Variants in CFAP74 observed in about 807,000 individuals in gnomAD.
The protein encoded by CFAP74 is cilia and flagella associated protein 74.
CFAP74 carries 124 observed loss-of-function variants against 188.9 expected under a neutral mutation model. The observed-to-expected ratio is 0.66, with a 90% CI of 0.57 to 0.76. The LOEUF is 0.76. CFAP74 is among the 30% of genes least tolerant of loss of function. CFAP74 has a pLI of 0.00. For missense variants in CFAP74, 2,198 were observed against 2,165.2 expected (o/e 1.02, Z -0.30); for synonymous variants, 956 against 916.7 (o/e 1.04, Z -0.77).
At position 1,930,153 on chromosome 1, in the gene CFAP74, G is replaced by T; in HGVS notation, c.3195C>A (p.Ala1065=). The T allele has an allele frequency of 2.6e-6, 4 of 1,535,662 alleles. No individual in the cohort carries two copies. Among genetic ancestry groups the T allele is most frequent in the Non-Finnish European group, 3.5e-6 (4 of 1,146,724 alleles). Residue 1065 remains alanine, a synonymous_variant, in exon 26 of 39, where the codon GCC becomes GCA. Coordinates refer to ENST00000682832, the MANE Select transcript of CFAP74 (RefSeq NM_001304360.2). ...HSKPRIGSED[A]SPMGPTSFEF... ...CGAAAGACGTGGGCCCCATGGGAGA[G>T]GCGTCCTCTGAGCCAATGCGGGGCT... is the stretch of plus-strand genomic sequence containing the variant.
intron 1 of CFAP74, among the ~76,000 whole-genome samples, chr1:2,002,277 T>C (rs1448070624): frequency 1.3e-5 from 2 of 152,084 alleles, no homozygotes; most frequent in African/African-American, 2.4e-5. Flanking sequence ...AAAGAATGTA[T>C]GTGGTATTAC....
chr1:1,955,316 C>G, intron 18 of CFAP74: 1 of 1,193,720 alleles, frequency 8.4e-7, no homozygotes, highest in Non-Finnish European at 1.1e-6. Context: ...CACCTCTCCC[C>G]GCTGGTGCGC....
At chr1:1,939,840 G>A (rs1048138198) in intron 23 of CFAP74, 73 bp from the exon 24 acceptor site, 15 of 1,380,226 alleles carry the variant, frequency 1.1e-5, no homozygotes, top group Middle Eastern at 1.8e-4. Flanking sequence ...ACTCTGAGGC[G>A]CAACCACTGC....
intron 25 of CFAP74, 68 bp from the exon 26 acceptor site, chr1:1,930,404 G>T: frequency 7.0e-7 from 1 of 1,436,884 alleles, no homozygotes; most frequent in Non-Finnish European, 9.2e-7. Flanking sequence ...GCAGGCGCGG[G>T]GGCCACTGGG....
At chr1:1,958,123 G>A (rs1236084519) in intron 16 of CFAP74, among the ~76,000 whole-genome samples, 2 of 152,230 alleles carry the variant, frequency 1.3e-5, no homozygotes, top group East Asian at 3.8e-4. Flanking sequence ...CGCGGTGAAG[G>A]AGGAAGCACG....
At chr1:1,960,465 C>T (rs1342251761) in intron 14 of CFAP74, among the ~76,000 whole-genome samples, 1 of 152,230 alleles carries the variant, frequency 6.6e-6, no homozygotes, top group African/African-American at 2.4e-5. Flanking sequence ...CCTGAGACAG[C>T]TGGGACCCTC....
At chr1:1,940,008 C>A (rs1483463946) in intron 23 of CFAP74, among the ~76,000 whole-genome samples, 1 of 152,216 alleles carries the variant, frequency 6.6e-6, no homozygotes, top group Non-Finnish European at 1.5e-5. Context: ...GCATGTGTCT[C>A]TGTGTGCGGC....
intron 25 of CFAP74, among the ~76,000 whole-genome samples, chr1:1,934,183 T>G (rs1046129787): frequency 1.3e-5 from 2 of 152,240 alleles, no homozygotes; most frequent in Admixed American, 6.5e-5. Flanking sequence ...GTGGTCACCC[T>G]ACATCTGTGC....
intron 18 of CFAP74, chr1:1,955,431 G>A (rs542666446): frequency 1.8e-5 from 27 of 1,503,826 alleles, no homozygotes; most frequent in Admixed American, 1.1e-4. Context: ...GGCTCCGCCC[G>A]TGCTGGGCCT....
At position 1,926,301 on chromosome 1, in the gene CFAP74, T is replaced by C. The variant is rs1208018814; in HGVS notation, c.3875A>G (p.Asn1292Ser). The change falls in exon 32 of 39, where the codon AAC (asparagine) becomes AGC (serine). Residue 1292 changes from asparagine to serine, a missense_variant. By Grantham distance (46) the Asn-to-Ser change is conservative. Coordinates refer to ENST00000682832, the MANE Select transcript of CFAP74 (RefSeq NM_001304360.2). ...ACCTGCACGCAGCAGGCTGGAGTGG[T>C]TCAGCAGGACAAAGGGGCCGTTGGG... is the stretch of plus-strand genomic sequence containing the variant. ...LNPNGPFVLL[N>S]HSSLLRAGGT... 6.5e-7 allele frequency: 1 copy of C among 1,546,782 alleles called. No homozygotes were observed. The highest frequency in any genetic ancestry group is 8.7e-7 in the Non-Finnish European group (1 of 1,145,026).
At position 1,938,980 on chromosome 1, in the gene CFAP74, G is replaced by A. The variant is rs1197368990; in HGVS notation, c.2886C>T (p.Asp962=). The change falls in exon 25 of 39, where the codon GAC becomes GAT. Residue 962 remains aspartate (D), a synonymous_variant. Coordinates refer to ENST00000682832, the MANE Select transcript of CFAP74 (RefSeq NM_001304360.2). ...TCCCAAACCCATCGTTGGGTTGGAC[G>A]TCCACAAACTGGAAATAGAAGAGTG... ...FGFVRLPKFV[D]VQPNDGFGTI... is the part of the protein sequence containing the mutation. 1.0e-5 allele frequency: 16 copies of A among 1,535,990 alleles called. No individual in the cohort carries two copies. The highest frequency in any genetic ancestry group is 2.4e-5 in the South Asian group (2 of 84,056).
rs79056303 is a variant in CFAP74, at chr1:1,989,940, C to G, written c.67+950G>C. Reference sequence around the variant, plus strand: ...AACTGTCTTCATGATCACACTCGCACGCCATTTGTCTCCTCACTCTCTTCC... The same window carrying G: ...AACTGTCTTCATGATCACACTCGCAGGCCATTTGTCTCCTCACTCTCTTCC... On this transcript the variant is annotated intron_variant, in intron 2 of 38. Coordinates refer to ENST00000682832, the MANE Select transcript of CFAP74 (RefSeq NM_001304360.2). Among the ~76,000 whole-genome samples the G allele has an allele frequency of 4.7e-3, 719 of 152,292 alleles. 20 individuals carry two copies. In the East Asian group the frequency reaches 0.086, roughly 18 times the overall value.
chr1:1,978,114 T>A (rs28680595), intron 6 of CFAP74, among the ~76,000 whole-genome samples: 45,974 of 152,140 alleles, frequency 0.3, 7,231 homozygotes, highest in Non-Finnish European at 0.34. Context: ...TCCCAAAGTG[T>A]TGGGATTACA....
intron 16 of CFAP74, among the ~76,000 whole-genome samples, 185 bp from the exon 17 acceptor site, chr1:1,956,969 G>A (rs745830559): frequency 2.6e-4 from 40 of 152,272 alleles, no homozygotes; most frequent in Middle Eastern, 6.3e-3. Flanking sequence ...GGTGTGGCAC[G>A]CGAGTCTGGT....
chr1:1,984,284 G>A (rs1293418238), intron 6 of CFAP74: 1 of 151,650 alleles, frequency 6.6e-6, no homozygotes, highest in Admixed American at 6.6e-5. Flanking sequence ...ATGAGCCACT[G>A]GGCCCAGCCC....
intron 6 of CFAP74, among the ~76,000 whole-genome samples, chr1:1,981,207 T>A (rs1266665444): frequency 1.3e-5 from 2 of 152,194 alleles, no homozygotes; most frequent in African/African-American, 4.8e-5. Context: ...CCTGCAACAA[T>A]CCCACTGAGT....
intron 1 of CFAP74, among the ~76,000 whole-genome samples, chr1:2,002,958 T>A (rs1658278931): frequency 6.6e-6 from 1 of 151,750 alleles, no homozygotes; most frequent in South Asian, 2.1e-4. Context: ...TATATAAAGT[T>A]TAAAATAAGT....
intron 9 of CFAP74, 42 bp from the exon 10 acceptor site, chr1:1,970,858 C>T (rs758589202): frequency 3.9e-5 from 62 of 1,608,490 alleles, no homozygotes; most frequent in African/African-American, 5.3e-5. Flanking sequence ...GCAGCACCCA[C>T]GGGCACATGC....
rs184624062 is a variant in CFAP74 at position 1,980,987 on chromosome 1, G to A, written c.500+4399C>T. On this transcript the variant is annotated intron_variant, in intron 6 of 38. Coordinates refer to ENST00000682832, the MANE Select transcript of CFAP74 (RefSeq NM_001304360.2). ...AAGGTTCAGGTGCTGTTTCCAGAAC[G>A]CGGTTTGGGTCCCGAAGCAGCGGCC... Among the ~76,000 whole-genome samples the A allele has an allele frequency of 5.6e-3, 853 of 152,350 alleles. 11 individuals carry two copies. The highest frequency in any genetic ancestry group is 0.017 in the African/African-American group (695 of 41,586).
Sources: allele counts gnomAD v4.1 joint callset (sites outside exome capture counted in the v4.1 genomes callset), GRCh38; gene constraint gnomAD v4.1.1; transcripts MANE v1.5; gene names NCBI Gene and HGNC (gene_info 2026-07-23, HGNC 2026-07-21).